Variants in ANKRD27 observed in about 807,000 individuals in gnomAD.
The protein encoded by ANKRD27 is ankyrin repeat domain-containing protein 27.
In ANKRD27, 112 loss-of-function variants were observed where a neutral mutation model predicts 129.7. That is an observed-to-expected ratio of 0.86 (90% CI 0.74 to 1.01). The LOEUF is 1.01. Among genes scored for constraint, ANKRD27 ranks in the 50% least tolerant of loss-of-function variants. ANKRD27 has a pLI of 0.00. For missense variants in ANKRD27, 1,258 were observed against 1,300.5 expected (o/e 0.97, Z 0.50); for synonymous variants, 516 against 511.2 (o/e 1.01, Z -0.13).
At chr19:32,653,570 C>A (rs1288322119) in intron 2 of ANKRD27, among the ~76,000 whole-genome samples, 2 of 152,184 alleles carry the variant, frequency 1.3e-5, no homozygotes, top group Admixed American at 1.3e-4. Context: ...TTGTCACAGG[C>A]CTCTGAAATT....
At chr19:32,630,479 G>A (rs756443898) in intron 13 of ANKRD27, among the ~76,000 whole-genome samples, 39 of 152,234 alleles carry the variant, frequency 2.6e-4, no homozygotes, top group Non-Finnish European at 5.0e-4. Context: ...CGGGCTCCTC[G>A]AGCCCAGCGG....
At chr19:32,659,403 A>C (rs12459779) in intron 1 of ANKRD27, among the ~76,000 whole-genome samples, 14,131 of 152,156 alleles carry the variant, frequency 0.093, 813 homozygotes, top group East Asian at 0.26. Context: ...ATTTCTAAAG[A>C]GTATCCTCCA....
chr19:32,608,519 CTG>C (rs1971785358), intron 22 of ANKRD27: 1 of 216,978 alleles, frequency 4.6e-6, no homozygotes. Context: ...AAAAAAAAAA[CTG>C]TATGCTAAAT....
intron 1 of ANKRD27, among the ~76,000 whole-genome samples, chr19:32,663,414 A>G (rs1239712727): frequency 1.3e-5 from 2 of 152,238 alleles, no homozygotes; most frequent in Non-Finnish European, 2.9e-5. Context: ...CGTCCTTTCC[A>G]ATTTCAAAGC....
chr19:32,627,888 G>A (rs1229759898), intron 15 of ANKRD27, among the ~76,000 whole-genome samples, 195 bp downstream of exon 15: 1 of 152,232 alleles, frequency 6.6e-6, no homozygotes, highest in Admixed American at 6.5e-5. Context: ...GCCAGCGCAG[G>A]AGGCAGCAGG....
chr19:32,619,332 C>T lies in ANKRD27; in HGVS notation c.1935G>A (p.Glu645=). 1.2e-6 allele frequency: 2 copies of T among 1,613,854 alleles called. No homozygotes were observed. Among genetic ancestry groups the T allele is most frequent in the Non-Finnish European group, 1.7e-6 (2 of 1,179,956 alleles). The change falls in exon 20 of 29, where the codon GAG becomes GAA. Residue 645 remains glutamate (E), a synonymous_variant. Transcript: ENST00000306065. ...PQRSVDSISQ[E]SSTSSFSSMS... ...TGGAGGAGAAGCTGGAAGTGGAGGA[C>T]TCTTGGCTGATGGAGTCCACGGAGC...
chr19:32,659,139 CTTTT>C (rs35323163), intron 1 of ANKRD27, 94 bp from the exon 2 acceptor site: 196 of 157,450 alleles, frequency 1.2e-3, no homozygotes, highest in Middle Eastern at 2.3e-3. Context: ...TTTTCTTTTT[CTTTT>C]TTTTTTTTTT....
chr19:32,604,459 T>G (rs772846644), intron 24 of ANKRD27, 35 bp from the exon 25 acceptor site: 1 of 1,562,472 alleles, frequency 6.4e-7, no homozygotes, highest in Non-Finnish European at 8.7e-7. Context: ...AAAGGAACGC[T>G]ACGAAACGTC....
intron 1 of ANKRD27, among the ~76,000 whole-genome samples, chr19:32,668,497 G>A (rs1459654767): frequency 1.4e-5 from 2 of 147,826 alleles, no homozygotes; most frequent in African/African-American, 2.5e-5. Flanking sequence ...TTTTTGAGAC[G>A]GGTCTTGCTC....
intron 4 of ANKRD27, among the ~76,000 whole-genome samples, chr19:32,646,211 C>T (rs558409278): frequency 2.6e-5 from 4 of 152,256 alleles, no homozygotes; most frequent in South Asian, 2.1e-4. Context: ...GGATTACAGG[C>T]GTGAGCCACT....
At chr19:32,653,396 G>A (rs1967457538) in intron 2 of ANKRD27, among the ~76,000 whole-genome samples, 1 of 152,024 alleles carries the variant, frequency 6.6e-6, no homozygotes, top group Non-Finnish European at 1.5e-5. Context: ...TTTCCTGTAG[G>A]CAAAGGGGCC....
chr19:32,614,309 T>C (rs1971879599), intron 22 of ANKRD27, among the ~76,000 whole-genome samples: 1 of 152,148 alleles, frequency 6.6e-6, no homozygotes, highest in Admixed American at 6.5e-5. Flanking sequence ...AACACTGGGC[T>C]AGAAAAGAAT....
At chr19:32,624,737 G>T (rs1972064234) in intron 17 of ANKRD27, among the ~76,000 whole-genome samples, 1 of 151,586 alleles carries the variant, frequency 6.6e-6, no homozygotes, top group Non-Finnish European at 1.5e-5. Context: ...GTTCAGGAAT[G>T]TAAGACCAGC....
In ANKRD27 at chr19:32,636,978, C is replaced by A. The variant is rs564887303; in HGVS notation, c.1116+2378G>T. Among the ~76,000 whole-genome samples the A allele has an allele frequency of 2.0e-5, 3 of 152,252 alleles. No individual in the cohort carries two copies. In the East Asian group the frequency reaches 5.8e-4, roughly 29 times the overall value. The stretch of plus-strand genomic sequence containing the variant: ...GGCCAGGCTGGTCTCGAACTCCTGA[C>A]CTCAGATGATCCACCTGCCTTGGCT... On this transcript the variant is annotated intron_variant, in intron 12 of 28. Coordinates refer to ENST00000306065, the MANE Select transcript of ANKRD27 (RefSeq NM_032139.3).
At chr19:32,634,837 C>G (rs1967060846) in intron 12 of ANKRD27, among the ~76,000 whole-genome samples, 1 of 152,112 alleles carries the variant, frequency 6.6e-6, no homozygotes, top group Admixed American at 6.6e-5. Flanking sequence ...ATCGCTTGAA[C>G]CCGGGAGGTG....
At chr19:32,663,980 C>T (rs1320489356) in intron 1 of ANKRD27, among the ~76,000 whole-genome samples, 1 of 140,500 alleles carries the variant, frequency 7.1e-6, no homozygotes, top group South Asian at 2.3e-4. Flanking sequence ...GGCGTGAACC[C>T]AGGAGGTGGA....
intron 1 of ANKRD27, among the ~76,000 whole-genome samples, chr19:32,666,009 C>A (rs1445433277): frequency 6.6e-6 from 1 of 152,146 alleles, no homozygotes; most frequent in Non-Finnish European, 1.5e-5. Flanking sequence ...TTCAAGTGAT[C>A]TTCCTACCTC....
intron 24 of ANKRD27, 29 bp downstream of exon 24, chr19:32,605,806 G>A (rs369297467): frequency 1.6e-5 from 25 of 1,610,586 alleles, no homozygotes; most frequent in Non-Finnish European, 2.1e-5. Context: ...GCGCAGGTGT[G>A]TAGAATGAGG....
chr19:32,636,740 T>TA (rs201087175), intron 12 of ANKRD27, among the ~76,000 whole-genome samples: 5,429 of 91,830 alleles, frequency 0.059, 133 homozygotes, highest in South Asian at 0.14. Flanking sequence ...TATATATATA[T>TA]TTTTTATATA....
Sources: allele counts gnomAD v4.1 joint callset (sites outside exome capture counted in the v4.1 genomes callset), GRCh38; gene constraint gnomAD v4.1.1; transcripts MANE v1.5; gene names NCBI Gene and HGNC (gene_info 2026-07-23, HGNC 2026-07-21).